The following SNX29 variants were observed in gnomAD, a reference collection of about 807,000 sequenced individuals.
SNX29 encodes the protein sorting nexin 29, also known as sorting nexin-29.
Under a neutral mutation model 102.1 loss-of-function variants are expected in SNX29, and 78 were observed. The observed-to-expected ratio is 0.76, with a 90% CI of 0.64 to 0.92. The LOEUF is 0.92. Among genes scored for constraint, SNX29 ranks in the 40% least tolerant of loss-of-function variants. SNX29 has a pLI of 0.00. For missense variants in SNX29, 1,280 were observed against 1,061.7 expected (o/e 1.21, Z -2.86); for synonymous variants, 580 against 414.5 (o/e 1.40, Z -4.85).
intron 5 of SNX29, 30 bp downstream of exon 5, chr16:12,043,107 G>A (rs750281409): frequency 6.2e-7 from 1 of 1,609,544 alleles, no homozygotes; most frequent in South Asian, 1.1e-5. Flanking sequence ...ACTGGGATGG[G>A]ATGGAGCAAG....
chr16:12,400,144 A>G (rs1467838168), intron 17 of SNX29, among the ~76,000 whole-genome samples: 1 of 152,166 alleles, frequency 6.6e-6, no homozygotes, highest in African/African-American at 2.4e-5. Context: ...CACTAAAGCC[A>G]GAGGCAGCAA....
At chr16:12,199,742 C>T (rs747351484) in intron 14 of SNX29, 59 bp downstream of exon 14, 73 of 1,398,606 alleles carry the variant, frequency 5.2e-5, no homozygotes, top group Middle Eastern at 2.0e-4. Flanking sequence ...AACACCTGTA[C>T]GTGGCACGCA....
intron 15 of SNX29, among the ~76,000 whole-genome samples, chr16:12,334,228 GTTTT>G (rs1567449212): frequency 6.6e-6 from 1 of 152,182 alleles, no homozygotes; most frequent in Non-Finnish European, 1.5e-5. Context: ...GGGATGGCAT[GTTTT>G]GAAACAAAGC....
intron 13 of SNX29, among the ~76,000 whole-genome samples, chr16:12,168,248 A>G (rs2076062695): frequency 6.6e-6 from 1 of 152,176 alleles, no homozygotes; most frequent in Non-Finnish European, 1.5e-5. Flanking sequence ...CGCTGGTGGA[A>G]GTGACATTTG....
intron 15 of SNX29, among the ~76,000 whole-genome samples, chr16:12,315,676 G>A (rs2080709118): frequency 6.6e-6 from 1 of 152,150 alleles, no homozygotes; most frequent in Admixed American, 6.5e-5. Context: ...CCTTGATCTT[G>A]GACTTTGCCC....
In SNX29 at chr16:12,560,108, A is replaced by C. The variant is rs987786494; in HGVS notation, c.2319-8398A>C. On this transcript the variant is annotated intron_variant, in intron 20 of 20. Transcript: ENST00000566228. ...GTGGTTATCCACAAAGGATGAGTTG[A>C]CAAGCTATTCTAGTTCTGTGTTCCC... Among the ~76,000 whole-genome samples, 9 of 151,992 alleles carry C rather than the reference A, an allele frequency of 5.9e-5. No homozygotes were observed. In the South Asian group the frequency reaches 6.4e-4, roughly 11 times the overall value.
intron 11 of SNX29, among the ~76,000 whole-genome samples, chr16:12,113,306 G>C (rs1252189840): frequency 6.6e-6 from 1 of 152,172 alleles, no homozygotes; most frequent in African/African-American, 2.4e-5. Flanking sequence ...CCTCAGAGCA[G>C]ACAAGCCACA....
chr16:12,090,703 G>C (rs2052483328), intron 11 of SNX29, among the ~76,000 whole-genome samples: 1 of 152,140 alleles, frequency 6.6e-6, no homozygotes, highest in Admixed American at 6.5e-5. Flanking sequence ...GGCAATTCTA[G>C]ATTTTCCTTC....
chr16:12,278,412 A>G (rs946840175), intron 15 of SNX29, among the ~76,000 whole-genome samples: 1 of 152,202 alleles, frequency 6.6e-6, no homozygotes, highest in Non-Finnish European at 1.5e-5. Flanking sequence ...AACATTCATT[A>G]TCAGAATTAA....
intron 14 of SNX29, among the ~76,000 whole-genome samples, chr16:12,206,680 C>G (rs377443670): frequency 2.0e-4 from 31 of 152,010 alleles, no homozygotes; most frequent in Non-Finnish European, 2.4e-4. Flanking sequence ...TCTCACTGTC[C>G]CGTCTTTCCA....
chr16:12,054,760 C>T (rs1489797911), intron 8 of SNX29, among the ~76,000 whole-genome samples: 6 of 152,192 alleles, frequency 3.9e-5, no homozygotes. Flanking sequence ...CTCTCTGTCT[C>T]TCTCTCTTCA....
intron 15 of SNX29, among the ~76,000 whole-genome samples, chr16:12,355,643 A>G (rs1043685386): frequency 2.6e-5 from 4 of 152,182 alleles, no homozygotes; most frequent in African/African-American, 9.7e-5. Flanking sequence ...ACTATAGACC[A>G]TCTGTAGTCA....
chr16:12,534,250 A>C (rs1281095748), intron 20 of SNX29, among the ~76,000 whole-genome samples: 1 of 152,232 alleles, frequency 6.6e-6, no homozygotes, highest in Non-Finnish European at 1.5e-5. Flanking sequence ...ATGTCTGCTC[A>C]GTGCCCAAGC....
At chr16:12,248,853 C>T (rs1231630330) in intron 14 of SNX29, among the ~76,000 whole-genome samples, 1 of 151,956 alleles carries the variant, frequency 6.6e-6, no homozygotes, top group East Asian at 1.9e-4. Context: ...TCTGACTCCC[C>T]CAGTAGAATC....
At chr16:11,986,615 A>C (rs1365367070) in intron 1 of SNX29, among the ~76,000 whole-genome samples, 1 of 152,214 alleles carries the variant, frequency 6.6e-6, no homozygotes, top group African/African-American at 2.4e-5. Flanking sequence ...CGATTCTTTG[A>C]AAAGGCAGCA....
chr16:12,200,636 C>A (rs901083725), intron 14 of SNX29, among the ~76,000 whole-genome samples: 2 of 152,154 alleles, frequency 1.3e-5, no homozygotes, highest in Non-Finnish European at 2.9e-5. Context: ...GTATCTGCCA[C>A]CATGCCCAGC....
At chr16:12,525,769 T>C (rs969083672) in intron 20 of SNX29, among the ~76,000 whole-genome samples, 17 of 141,508 alleles carry the variant, frequency 1.2e-4, no homozygotes, top group African/African-American at 4.2e-4. Context: ...GATGCTGCTG[T>C]TTTCAAGAAA....
chr16:12,547,141 G>A (rs772794947), intron 20 of SNX29, among the ~76,000 whole-genome samples: 3 of 152,348 alleles, frequency 2.0e-5, no homozygotes, highest in East Asian at 3.9e-4. Flanking sequence ...ATCACAGAGG[G>A]AAAGAAGCCT....
At chr16:11,976,860 C>A in intron 1 of SNX29, 47 bp downstream of exon 1, 3 of 1,329,626 alleles carry the variant, frequency 2.3e-6, no homozygotes, top group Non-Finnish European at 1.9e-6. Context: ...CGCCCCGGCT[C>A]CCGCCGCTCC....
Sources: allele counts gnomAD v4.1 joint callset (sites outside exome capture counted in the v4.1 genomes callset), GRCh38; gene constraint gnomAD v4.1.1; transcripts MANE v1.5; gene names NCBI Gene and HGNC (gene_info 2026-07-23, HGNC 2026-07-21).